The following RAP1B variants were observed in gnomAD, a reference collection of about 807,000 sequenced individuals.
RAP1B encodes the protein RAP1B, member of RAS oncogene family.
A neutral mutation model predicts 27.5 loss-of-function variants in RAP1B; 1 was observed. That is an observed-to-expected ratio of 0.04 (90% CI 0.01 to 0.17). RAP1B has a LOEUF of 0.17. Ranked by LOEUF, RAP1B falls within the 10% of genes least tolerant of loss-of-function variation. The probability of loss-of-function intolerance (pLI) is 1.00; values close to 1 mark genes in which losing one functional copy is unlikely to be tolerated. For synonymous variants in RAP1B, 75 were observed against 73.1 expected (o/e 1.03, Z -0.13); for missense variants, 84 against 214.8 (o/e 0.39, Z 3.81).
Position 68,656,081 on chromosome 12 carries a change from A to T in RAP1B, c.325-225A>T, listed in dbSNP as rs55787903. Among the ~76,000 whole-genome samples the T allele has an allele frequency of 9.1e-3, 1,391 of 152,326 alleles. 10 individuals carry two copies. Among genetic ancestry groups the T allele is most frequent in the South Asian group, 0.019 (94 of 4,834 alleles). ...TCTTCCCTTTGGAGTTATCGTTTGC[A>T]TCTCCATGAAAAGAGAAGGCAGTGG... is the stretch of plus-strand genomic sequence containing the variant. On this transcript the variant is annotated intron_variant, in intron 5 of 7. Transcript: ENST00000250559.
intron 1 of RAP1B, chr12:68,627,385 T>C: frequency 1.6e-6 from 1 of 624,488 alleles, no homozygotes; most frequent in Admixed American, 2.4e-5. Flanking sequence ...GCAGGGTGTT[T>C]TTTAAAACAC....
intron 1 of RAP1B, among the ~76,000 whole-genome samples, chr12:68,646,840 CAA>C (rs1201731781): frequency 1.3e-5 from 2 of 152,154 alleles, no homozygotes; most frequent in Non-Finnish European, 2.9e-5. Context: ...TCTTCGAAAA[CAA>C]AGACCTTTTT....
chr12:68,629,218 A>G lies in RAP1B; in HGVS notation c.-27+18175A>G, dbSNP rs1442284141. 3.3e-5 allele frequency among the ~76,000 whole-genome samples: 5 copies of G among 152,176 alleles called. No individual in the cohort carries two copies. The East Asian group carries it at 9.6e-4, about 29-fold the overall frequency. On this transcript the variant is annotated intron_variant, in intron 1 of 7. Transcript: ENST00000250559. ...GGTATCGAACTCCTGAGCTCAAGCC[A>G]TCTACCTACCCCAGCCTCTCAAAGT...
At chr12:68,621,248 A>G (rs1487801070) in intron 1 of RAP1B, among the ~76,000 whole-genome samples, 1 of 150,476 alleles carries the variant, frequency 6.6e-6, no homozygotes, top group Non-Finnish European at 1.5e-5. Flanking sequence ...TGCTCCCTAT[A>G]TTAAATAATT....
chr12:68,655,061 A>G (rs1323815976), intron 5 of RAP1B, among the ~76,000 whole-genome samples: 1 of 152,154 alleles, frequency 6.6e-6, no homozygotes, highest in Non-Finnish European at 1.5e-5. Context: ...CTCTAATCCC[A>G]GCACTTTGGG....
chr12:68,654,287 A>G, intron 5 of RAP1B, 35 bp downstream of exon 5: 1 of 1,367,250 alleles, frequency 7.3e-7, no homozygotes, highest in Non-Finnish European at 9.8e-7. Flanking sequence ...ATTTTATTTC[A>G]AAACCCTGAT....
rs543880759 is a variant in RAP1B, at chr12:68,634,289, A to G, written c.-26-14410A>G. ...TTTCATTTGAATCTTTAAGAACTGTAAGAAGTAGATACTTTTATTTCCATT... is the reference window on the plus strand; with the variant it reads ...TTTCATTTGAATCTTTAAGAACTGTGAGAAGTAGATACTTTTATTTCCATT... On this transcript the variant is annotated intron_variant, in intron 1 of 7. Transcript: ENST00000250559. 8.6e-4 allele frequency among the ~76,000 whole-genome samples: 131 copies of G among 152,336 alleles called. 1 individual carries two copies. The highest frequency in any genetic ancestry group is 3.4e-3 in the Middle Eastern group (1 of 294).
At chr12:68,657,036 T>C in intron 6 of RAP1B, 65 bp from the exon 7 acceptor site, 5 of 1,341,812 alleles carry the variant, frequency 3.7e-6, no homozygotes, top group Non-Finnish European at 5.3e-6. Flanking sequence ...TTTTTCAATT[T>C]ACTTTTTTCA....
intron 1 of RAP1B, among the ~76,000 whole-genome samples, chr12:68,622,250 A>C (rs1298258907): frequency 6.6e-6 from 1 of 152,218 alleles, no homozygotes; most frequent in East Asian, 1.9e-4. Context: ...TTTAAGCCAC[A>C]GTCATCTCTT....
At position 68,651,992 on chromosome 12, in the gene RAP1B, C is replaced by T; in HGVS notation, c.127-3C>T. ...TGAACATGTATTTTAATTTTTCTAC[C>T]AGCAAGTTGAAGTAGATGCACAACA... On this transcript the variant is annotated splice_region_variant and splice_polypyrimidine_tract_variant and intron_variant, in intron 3 of 7. Coordinates refer to ENST00000250559, the MANE Select transcript of RAP1B (RefSeq NM_001010942.3). The T allele has an allele frequency of 3.1e-6, 5 of 1,610,240 alleles. No homozygotes were observed. Among genetic ancestry groups the T allele is most frequent in the African/African-American group, 1.3e-5 (1 of 74,872 alleles).
Position 68,667,950 on chromosome 12 carries a change from A to C in RAP1B, c.*8701A>C, listed in dbSNP as rs1874921078. ...CTCTTAATTTTTCAGAAATAAGAGGACATCATTGGCCACTATCATACCACT... is the reference window on the plus strand; with the variant it reads ...CTCTTAATTTTTCAGAAATAAGAGGCCATCATTGGCCACTATCATACCACT... On this transcript the variant is annotated 3_prime_UTR_variant, in exon 8 of 8. Transcript: ENST00000250559. The C allele has an allele frequency of 6.6e-6, 1 of 152,218 alleles. No individual in the cohort carries two copies. Among genetic ancestry groups the C allele is most frequent in the Non-Finnish European group, 1.5e-5 (1 of 68,034 alleles). The allele number at this position is 152,218 out of a possible 1,614,324, so 9.4% of individuals were successfully genotyped here.
rs1246593166 is a variant in RAP1B at position 68,661,267 on chromosome 12, G to A, written c.*2018G>A. On this transcript the variant is annotated 3_prime_UTR_variant, in exon 8 of 8. Transcript: ENST00000250559. ...GGAAAAAAATTAAGCCCAAAAAACT[G>A]GGACTGTGAAACACTAAAATTACTT... 6.6e-6 allele frequency: 1 copy of A among 152,056 alleles called. No individual in the cohort carries two copies. Among genetic ancestry groups the A allele is most frequent in the Non-Finnish European group, 1.5e-5 (1 of 68,008 alleles). The allele number at this position is 152,056 out of a possible 1,614,324, so 9.4% of individuals were successfully genotyped here.
chr12:68,618,086 C>CTTTTTTTTTTT (rs36224976), intron 1 of RAP1B, among the ~76,000 whole-genome samples: 5 of 60,792 alleles, frequency 8.2e-5, no homozygotes, highest in African/African-American at 1.1e-4. Flanking sequence ...TTCTATAAAG[C>CTTTTTTTTTTT]TTTTTTTTTT....
chr12:68,623,890 G>A (rs997180762), intron 1 of RAP1B, among the ~76,000 whole-genome samples: 17 of 152,156 alleles, frequency 1.1e-4, no homozygotes, highest in South Asian at 2.1e-4. Flanking sequence ...GCATGGTGGC[G>A]CACGCCAGTA....
intron 1 of RAP1B, among the ~76,000 whole-genome samples, chr12:68,632,488 A>G (rs1349131183): frequency 6.6e-6 from 1 of 152,138 alleles, no homozygotes; most frequent in African/African-American, 2.4e-5. Context: ...TTTTAAGCAA[A>G]TGTTTGGAAG....
intron 1 of RAP1B, among the ~76,000 whole-genome samples, chr12:68,628,158 A>G (rs1361464964): frequency 1.3e-5 from 2 of 152,170 alleles, no homozygotes; most frequent in African/African-American, 4.8e-5. Flanking sequence ...CCTCCCTTGC[A>G]GCTAGGGCAC....
chr12:68,661,817 A>G lies in RAP1B; in HGVS notation c.*2568A>G, dbSNP rs1020483390. The G allele has an allele frequency of 6.6e-6, 1 of 151,958 alleles. No individual in the cohort carries two copies. Among genetic ancestry groups the G allele is most frequent in the African/African-American group, 2.4e-5 (1 of 41,358 alleles). 9.4% of individuals were successfully genotyped at this position (151,958 alleles called of 1,614,324 possible). The stretch of plus-strand genomic sequence containing the variant: ...TACAGATGAGTGTTAGGGTTACAAG[A>G]TGGATGGTTTACTATATAGTGAATA... On this transcript the variant is annotated 3_prime_UTR_variant, in exon 8 of 8. Coordinates refer to ENST00000250559, the MANE Select transcript of RAP1B (RefSeq NM_001010942.3).
chr12:68,663,300 T>C lies in RAP1B; in HGVS notation c.*4051T>C, dbSNP rs1874705613. ...GCTGGTTTCGAACTCCCGACCCAGG[T>C]GATCCGCCTGCGTCAGCCTCCCAAA... On this transcript the variant is annotated 3_prime_UTR_variant, in exon 8 of 8. Transcript: ENST00000250559. The C allele has an allele frequency of 1.3e-5, 2 of 152,192 alleles. No individual in the cohort carries two copies. Among genetic ancestry groups the C allele is most frequent in the Admixed American group, 1.3e-4 (2 of 15,278 alleles). The allele number at this position is 152,192 out of a possible 1,614,324, so 9.4% of individuals were successfully genotyped here. A position where few individuals can be genotyped will look rare whatever the true frequency, so the allele number is the denominator to read the frequency against.
chr12:68,650,520 A>G (rs760269724), intron 3 of RAP1B, 52 bp downstream of exon 3: 2 of 1,299,550 alleles, frequency 1.5e-6, no homozygotes, highest in Non-Finnish European at 1.0e-6. Flanking sequence ...ATAAATACTT[A>G]TTTTAGCTTT....
Sources: gnomAD v4.1 joint callset for allele counts (sites outside exome capture counted in the v4.1 genomes callset) on GRCh38, gnomAD v4.1.1 for gene constraint, MANE v1.5 for transcripts, NCBI Gene and HGNC (gene_info 2026-07-23, HGNC 2026-07-21) for gene names.